The following GNAO1 variants were observed in gnomAD, a reference collection of about 807,000 sequenced individuals.
GNAO1 encodes G protein subunit alpha o1.
For missense variants in GNAO1, 166 were observed against 478.7 expected, an observed-to-expected ratio of 0.35 and a Z score of 6.10; for synonymous variants, 164 against 180.7, an observed-to-expected ratio of 0.91 and a Z score of 0.74.
chr16:56,192,996 A>G (rs1185851910), intron 2 of GNAO1: 1 of 192,058 alleles, frequency 5.2e-6, no homozygotes, highest in African/African-American at 2.3e-5. Context: ...TTCTGTCTCT[A>G]TTTCTTTCTC....
chr16:56,298,137 A>T (rs1439212719), intron 3 of GNAO1, among the ~76,000 whole-genome samples: 1 of 152,224 alleles, frequency 6.6e-6, no homozygotes, highest in African/African-American at 2.4e-5. Flanking sequence ...ACGCCACTGC[A>T]CTCCAGCCTG....
chr16:56,271,671 T>A (rs935865033), intron 2 of GNAO1, among the ~76,000 whole-genome samples: 6 of 152,176 alleles, frequency 3.9e-5, no homozygotes, highest in Non-Finnish European at 8.8e-5. Context: ...GCCAGGCTGG[T>A]CTCAAACTCC....
intron 6 of GNAO1, chr16:56,340,286 C>CCA (rs61688031): frequency 0.082 from 12,455 of 152,348 alleles, 729 homozygotes; most frequent in African/African-American, 0.17. Flanking sequence ...CACACCAAGG[C>CCA]CACAGCAAGC....
intron 2 of GNAO1, among the ~76,000 whole-genome samples, chr16:56,218,765 C>T (rs1173348920): frequency 1.3e-5 from 2 of 152,144 alleles, no homozygotes; most frequent in African/African-American, 4.8e-5. Flanking sequence ...CCATGGTGTG[C>T]CCTATTCCTG....
chr16:56,313,168 C>A (rs1481560860), intron 3 of GNAO1, among the ~76,000 whole-genome samples: 1 of 152,110 alleles, frequency 6.6e-6, no homozygotes, highest in African/African-American at 2.4e-5. Flanking sequence ...ATTACTCATT[C>A]GGTGATGCAG....
At chr16:56,251,093 TTACAG>T (rs1413979395) in intron 2 of GNAO1, among the ~76,000 whole-genome samples, 2 of 152,218 alleles carry the variant, frequency 1.3e-5, no homozygotes, top group African/African-American at 4.8e-5. Context: ...TTTGTGTGTT[TTACAG>T]TCTACAACAG....
chr16:56,350,867 G>A (rs1328537815), intron 6 of GNAO1, among the ~76,000 whole-genome samples: 9 of 152,128 alleles, frequency 5.9e-5, no homozygotes, highest in African/African-American at 1.4e-4. Flanking sequence ...CCAGCTCTCC[G>A]GCTCCGGTCC....
At chr16:56,321,824 A>G (rs899062894) in intron 3 of GNAO1, among the ~76,000 whole-genome samples, 4 of 152,204 alleles carry the variant, frequency 2.6e-5, no homozygotes, top group Non-Finnish European at 2.9e-5. Context: ...GCACGCAGTG[A>G]GTTTTCTAAA....
At chr16:56,280,901 T>C (rs1306593205) in intron 3 of GNAO1, among the ~76,000 whole-genome samples, 1 of 152,198 alleles carries the variant, frequency 6.6e-6, no homozygotes, top group Non-Finnish European at 1.5e-5. Context: ...ACTGAAGCTC[T>C]GGGAATTACT....
At chr16:56,273,505 T>G (rs1335616192) in intron 2 of GNAO1, among the ~76,000 whole-genome samples, 1 of 152,242 alleles carries the variant, frequency 6.6e-6, no homozygotes, top group African/African-American at 2.4e-5. Context: ...GGTCTGTTTC[T>G]GTTGACTGCA....
chr16:56,288,827 C>T (rs2037199749), intron 3 of GNAO1, among the ~76,000 whole-genome samples: 2 of 152,080 alleles, frequency 1.3e-5, no homozygotes, highest in South Asian at 4.2e-4. Context: ...GCCCCTAGGC[C>T]CTGCCTCGGC....
In GNAO1 at chr16:56,248,725, G is replaced by A. The variant is rs150463391; in HGVS notation, c.162-27206G>A. On this transcript the variant is annotated intron_variant, in intron 2 of 8. Transcript: ENST00000262493. ...GTGTTCTAGGCAGAAGAAACAGCAA[G>A]TGCAAAGGCCCTGAGGTGGGAGTGG... is the stretch of plus-strand genomic sequence containing the variant. Among the ~76,000 whole-genome samples the A allele has an allele frequency of 1.7e-3, 259 of 152,318 alleles. 1 individual carries two copies. Among genetic ancestry groups the A allele is most frequent in the African/African-American group, 5.8e-3 (240 of 41,566 alleles).
chr16:56,245,174 C>T (rs931531515), intron 2 of GNAO1, among the ~76,000 whole-genome samples: 1 of 152,106 alleles, frequency 6.6e-6, no homozygotes, highest in African/African-American at 2.4e-5. Flanking sequence ...TTCATCTACC[C>T]TTGTTGTTCC....
At chr16:56,235,125 C>T (rs187549889) in intron 2 of GNAO1, 6 of 352,776 alleles carry the variant, frequency 1.7e-5, no homozygotes, top group South Asian at 8.8e-5. Flanking sequence ...GGGTGCAGTT[C>T]GAAGAGGAGG....
chr16:56,203,452 G>A (rs140327929), intron 2 of GNAO1, among the ~76,000 whole-genome samples: 164 of 152,266 alleles, frequency 1.1e-3, no homozygotes, highest in African/African-American at 3.7e-3. Flanking sequence ...AATGATGAAA[G>A]CTTGAGCTAG....
At chr16:56,271,808 A>G (rs1351324561) in intron 2 of GNAO1, among the ~76,000 whole-genome samples, 1 of 152,196 alleles carries the variant, frequency 6.6e-6, no homozygotes, top group African/African-American at 2.4e-5. Context: ...GGCACTTTAC[A>G]TTTATTCCTC....
intron 2 of GNAO1, among the ~76,000 whole-genome samples, chr16:56,198,823 A>G (rs1346314287): frequency 6.6e-6 from 1 of 152,188 alleles, no homozygotes; most frequent in Non-Finnish European, 1.5e-5. Context: ...TGAGAAGCAG[A>G]AGGGGGGTGC....
chr16:56,312,133 C>G (rs879526661), intron 3 of GNAO1, among the ~76,000 whole-genome samples: 7 of 152,158 alleles, frequency 4.6e-5, no homozygotes, highest in Non-Finnish European at 7.4e-5. Flanking sequence ...GCCTCCATTT[C>G]CTCTCGGAAG....
Position 56,192,747 on chromosome 16 carries a change from CA to C in GNAO1, c.161+132del, listed in dbSNP as rs2036190715. The stretch of plus-strand genomic sequence containing the variant: ...TCGTGCACACACACACACACACACA[CA>C]CACCCCTATATTTGACTCCCCTCCC... On this transcript the variant is annotated intron_variant, in intron 2 of 8. Coordinates refer to ENST00000262493, the MANE Select transcript of GNAO1 (RefSeq NM_020988.3). 9.7e-5 allele frequency: 65 copies of C among 666,764 alleles called. 1 individual carries two copies. The highest frequency in any genetic ancestry group is 7.3e-4 in the South Asian group (43 of 58,514). 41.3% of individuals were successfully genotyped at this position (666,764 alleles called of 1,614,324 possible).
Sources: gnomAD v4.1 joint callset for allele counts (sites outside exome capture counted in the v4.1 genomes callset) on GRCh38, gnomAD v4.1.1 for gene constraint, MANE v1.5 for transcripts, NCBI Gene and HGNC (gene_info 2026-07-23, HGNC 2026-07-21) for gene names.